The following A2M variants were observed in gnomAD, a reference collection of about 807,000 sequenced individuals.
A2M encodes the protein alpha-2-macroglobulin, also known as C3 and PZP-like alpha-2-macroglobulin domain-containing protein 5.
A neutral mutation model predicts 183.9 loss-of-function variants in A2M; 128 were observed. That is an observed-to-expected ratio of 0.70 (90% confidence interval 0.60 to 0.81). A2M has a LOEUF of 0.81. Ranked by LOEUF, A2M falls within the 30% of genes least tolerant of loss-of-function variation. The probability of loss-of-function intolerance (pLI) is 0.00; values close to 1 mark genes in which losing one functional copy is unlikely to be tolerated. For missense variants in A2M, 1,495 were observed against 1,787.6 expected, an observed-to-expected ratio of 0.84 and a Z score of 2.95; for synonymous variants, 592 against 670.8, an observed-to-expected ratio of 0.88 and a Z score of 1.81.
Position 9,074,680 on chromosome 12 carries a change from C to T in A2M, c.3636G>A (p.Val1212=). Residue 1212 remains valine (V), a synonymous_variant, in exon 29 of 36, where the codon GTG becomes GTA. Coordinates refer to ENST00000318602, the MANE Select transcript of A2M (RefSeq NM_000014.6). ...GCTGGGCCGTGAGATAAGCGAGGAG[C>T]ACATAGGATGTCATCTCCACCTCAG... ...PSAEVEMTSY[V]LLAYLTAQPA... is the part of the protein sequence containing the mutation. The T allele has an allele frequency of 6.2e-7, 1 of 1,613,948 alleles. No individual in the cohort carries two copies. The highest frequency in any genetic ancestry group is 8.5e-7 in the Non-Finnish European group (1 of 1,179,966).
chr12:9,111,864 A>G, intron 4 of A2M: 1 of 436,278 alleles, frequency 2.3e-6, no homozygotes, highest in East Asian at 4.8e-5. Context: ...TTCTTTGAGG[A>G]TTTTTCTGTG....
chr12:9,074,356 G>A (rs1234119056), intron 29 of A2M, among the ~76,000 whole-genome samples: 2 of 152,086 alleles, frequency 1.3e-5, no homozygotes, highest in African/African-American at 2.4e-5. Flanking sequence ...CACAGCGATG[G>A]GGTGCCGGGA....
intron 18 of A2M, among the ~76,000 whole-genome samples, 189 bp downstream of exon 18, chr12:9,093,276 G>C (rs918872517): frequency 1.3e-5 from 2 of 152,156 alleles, no homozygotes; most frequent in African/African-American, 2.4e-5. Flanking sequence ...AACAATGTGA[G>C]CTAATGGATG....
intron 28 of A2M, among the ~76,000 whole-genome samples, chr12:9,076,555 C>T: frequency 6.6e-6 from 1 of 152,216 alleles, no homozygotes; most frequent in Non-Finnish European, 1.5e-5. Flanking sequence ...TGAGAAGCAT[C>T]TGCACGGCCT....
At chr12:9,098,404 A>T (rs1307745899) in intron 15 of A2M, 5 of 310,260 alleles carry the variant, frequency 1.6e-5, no homozygotes, top group Non-Finnish European at 2.7e-5. Context: ...TATTTTGTTT[A>T]TTTTTTTAAC....
At chr12:9,079,964 A>C in intron 23 of A2M, 130 bp downstream of exon 23, 2 of 966,880 alleles carry the variant, frequency 2.1e-6, no homozygotes, top group Non-Finnish European at 2.9e-6. Flanking sequence ...GAAAGCAATA[A>C]ACAAGCCCAA....
intron 22 of A2M, among the ~76,000 whole-genome samples, chr12:9,086,711 C>G (rs1949061465): frequency 6.6e-6 from 1 of 152,166 alleles, no homozygotes; most frequent in African/African-American, 2.4e-5. Context: ...GAAAGACTTT[C>G]CTTTAAGATC....
At chr12:9,073,235 C>CT (rs1948635034) in intron 29 of A2M, among the ~76,000 whole-genome samples, 1 of 152,212 alleles carries the variant, frequency 6.6e-6, no homozygotes, top group African/African-American at 2.4e-5. Flanking sequence ...TGCCACCACT[C>CT]AAGCAAAGTT....
intron 15 of A2M, among the ~76,000 whole-genome samples, chr12:9,096,756 A>G (rs972712340): frequency 2.6e-5 from 4 of 152,198 alleles, no homozygotes; most frequent in Non-Finnish European, 5.9e-5. Flanking sequence ...AACATTTCTC[A>G]TTTCCTCTCC....
chr12:9,072,972 T>G, intron 29 of A2M, 101 bp from the exon 30 acceptor site: 1 of 803,490 alleles, frequency 1.2e-6, no homozygotes, highest in Non-Finnish European at 2.0e-6. Context: ...GATTTCCTAC[T>G]TCCCTCACTA....
At chr12:9,086,504 T>C (rs1403175732) in intron 22 of A2M, among the ~76,000 whole-genome samples, 5 of 152,230 alleles carry the variant, frequency 3.3e-5, no homozygotes, top group Non-Finnish European at 7.3e-5. Flanking sequence ...TATCAATAAA[T>C]GTGATACATT....
intron 2 of A2M, chr12:9,112,796 T>C (rs752416362): frequency 2.4e-5 from 11 of 454,152 alleles, no homozygotes; most frequent in African/African-American, 1.6e-4. Context: ...AGAAACAGTC[T>C]TGATTCAATT....
intron 25 of A2M, among the ~76,000 whole-genome samples, 175 bp downstream of exon 25, chr12:9,079,069 T>C (rs888868277): frequency 6.6e-5 from 10 of 152,048 alleles, no homozygotes; most frequent in African/African-American, 2.2e-4. Flanking sequence ...ATAACATGTA[T>C]TTGGATATCA....
chr12:9,110,599 G>A (rs978288210), intron 4 of A2M, among the ~76,000 whole-genome samples: 6 of 151,430 alleles, frequency 4.0e-5, no homozygotes, highest in African/African-American at 1.5e-4. Context: ...ATAATGATAT[G>A]GATAATGATA....
chr12:9,079,673 C>A lies in A2M; in HGVS notation c.2997G>T (p.Glu999Asp). ...GATAGCCAATGGCCTTGGACTTGAT[C>A]TCTGGAGTAAGCTGCTGTGTTTCAT... is the stretch of plus-strand genomic sequence containing the variant. ...YLNETQQLTP[E>D]IKSKAIGYLN... is the part of the protein sequence containing the mutation. The change falls in exon 24 of 36, where the codon GAG becomes GAT. Residue 999 changes from glutamate to aspartate, a missense_variant. By Grantham distance (45) the Glu-to-Asp change is conservative. Transcript: ENST00000318602. 1 of 1,613,642 alleles carries A rather than the reference C, an allele frequency of 6.2e-7. No individual in the cohort carries two copies. The highest frequency in any genetic ancestry group is 2.2e-5 in the East Asian group (1 of 44,868).
intron 35 of A2M, 112 bp from the exon 36 acceptor site, chr12:9,067,951 A>G (rs1226972526): frequency 9.1e-7 from 1 of 1,099,862 alleles, no homozygotes; most frequent in Admixed American, 2.0e-5. Flanking sequence ...TAATCAGTAC[A>G]GTGGGAAACC....
Position 9,106,591 on chromosome 12 carries a change from GC to G in A2M, c.893del (p.Gly298AlafsTer7). 1 of 1,572,958 alleles carries G rather than the reference GC, an allele frequency of 6.4e-7. No individual in the cohort carries two copies. The highest frequency in any genetic ancestry group is 1.8e-5 in the Admixed American group (1 of 55,334). On this transcript the variant is annotated frameshift_variant, in exon 9 of 36. Transcript: ENST00000318602. LOFTEE classifies it high-confidence loss of function. Reference sequence around the variant, plus strand: ...TGGTTTTTACTTGCTGATAGAAGCAGCCATGGCTGTTTAGCTAAGAAGGGAG... The same window carrying G: ...TGGTTTTTACTTGCTGATAGAAGCAGCATGGCTGTTTAGCTAAGAAGGGAG... ...EKFSGQLNSH[G>X]CFYQQVKTKV...
chr12:9,095,511 C>T (rs778937373), intron 16 of A2M, 28 bp downstream of exon 16: 1 of 1,596,382 alleles, frequency 6.3e-7, no homozygotes, highest in South Asian at 1.1e-5. Flanking sequence ...AGCTTAAGAT[C>T]AGACCATCTG....
At chr12:9,095,403 T>A in intron 16 of A2M, 136 bp downstream of exon 16, 1 of 790,382 alleles carries the variant, frequency 1.3e-6, no homozygotes, top group Non-Finnish European at 1.9e-6. Context: ...CTGCTGCTAT[T>A]AGTAGAGAAG....
Sources: gnomAD v4.1 joint callset for allele counts (sites outside exome capture counted in the v4.1 genomes callset) on GRCh38, gnomAD v4.1.1 for gene constraint, MANE v1.5 for transcripts, NCBI Gene and HGNC (gene_info 2026-07-23, HGNC 2026-07-21) for gene names.